Variants in TET3 observed in about 807,000 individuals in gnomAD.
TET3 encodes the protein tet methylcytosine dioxygenase 3.
Under a neutral mutation model 141.4 loss-of-function variants are expected in TET3, and 19 were observed. The observed-to-expected ratio is 0.13, with a 90% CI of 0.09 to 0.20. The LOEUF (loss-of-function observed/expected upper bound fraction) is 0.20. Ranked by LOEUF, TET3 falls within the 10% of genes least tolerant of loss-of-function variation. The pLI is 1.00. For synonymous variants in TET3, 1,043 were observed against 980.9 expected (o/e 1.06, Z -1.18); for missense variants, 1,874 against 2,356.9 (o/e 0.80, Z 4.24).
chr2:73,991,981 G>A (rs1443829908), intron 2 of TET3, among the ~76,000 whole-genome samples: 1 of 152,120 alleles, frequency 6.6e-6, no homozygotes, highest in Non-Finnish European at 1.5e-5. Context: ...GGAAAGTGGG[G>A]ACATGGCACT....
intron 4 of TET3, among the ~76,000 whole-genome samples, chr2:74,050,253 G>A (rs1573790890): frequency 6.6e-6 from 1 of 152,102 alleles, no homozygotes; most frequent in East Asian, 1.9e-4. Flanking sequence ...AACCCATCAC[G>A]GTTTCTGCTT....
downstream of TET3, among the ~76,000 whole-genome samples, chr2:74,113,006 C>T (rs1416572394): frequency 2.9e-5 from 1 of 34,398 alleles, no homozygotes; most frequent in African/African-American, 1.0e-4. Context: ...GACTCCGTCT[C>T]AAAAAAAAAA....
intron 4 of TET3, among the ~76,000 whole-genome samples, chr2:74,060,568 G>T (rs913598567): frequency 6.6e-6 from 1 of 151,220 alleles, no homozygotes; most frequent in Non-Finnish European, 1.5e-5. Flanking sequence ...GGTGTTTCTC[G>T]CAGAGGGGGA....
chr2:74,055,525 A>G (rs940659883), intron 4 of TET3, among the ~76,000 whole-genome samples: 8 of 152,312 alleles, frequency 5.3e-5, no homozygotes, highest in Non-Finnish European at 8.8e-5. Flanking sequence ...ATCAGGAGGC[A>G]TCATGCTAGC....
chr2:74,029,588 G>T (rs574506074), intron 3 of TET3, among the ~76,000 whole-genome samples: 232 of 152,312 alleles, frequency 1.5e-3, no homozygotes, highest in African/African-American at 5.1e-3. Flanking sequence ...TGTAAATTAA[G>T]TGTATGTTGC....
intron 3 of TET3, among the ~76,000 whole-genome samples, chr2:74,028,913 G>A (rs761461761): frequency 6.6e-6 from 1 of 152,194 alleles, no homozygotes; most frequent in Non-Finnish European, 1.5e-5. Flanking sequence ...GCAGAATAGT[G>A]CTAGTCCATA....
intron 3 of TET3, among the ~76,000 whole-genome samples, chr2:74,022,543 A>C (rs1481700536): frequency 6.6e-6 from 1 of 150,952 alleles, no homozygotes; most frequent in Non-Finnish European, 1.5e-5. Context: ...GTGTGATCAA[A>C]TCTAGCTCCA....
intron 4 of TET3, among the ~76,000 whole-genome samples, chr2:74,063,189 CTT>C (rs11295242): frequency 3.7e-4 from 54 of 147,076 alleles, no homozygotes; most frequent in Non-Finnish European, 4.1e-4. Flanking sequence ...TGGCCTGAAA[CTT>C]TTTTTTTTTT....
At chr2:74,117,634 G>A in the TET3 span, among the ~76,000 whole-genome samples, 1 of 152,082 alleles carries the variant, frequency 6.6e-6, no homozygotes, top group Non-Finnish European at 1.5e-5. Context: ...CCATTTTTTA[G>A]CATTTTTGTC....
intron 3 of TET3, among the ~76,000 whole-genome samples, chr2:74,040,202 A>G (rs574018620): frequency 3.2e-4 from 48 of 152,104 alleles, no homozygotes; most frequent in African/African-American, 1.1e-3. Context: ...TATGTTCAAG[A>G]GATTGTAGAG....
At chr2:74,071,977 C>T (rs1245389758) in intron 4 of TET3, among the ~76,000 whole-genome samples, 1 of 152,172 alleles carries the variant, frequency 6.6e-6, no homozygotes, top group African/African-American at 2.4e-5. Context: ...GTGAACAATT[C>T]AGTGGCATTT....
chr2:74,013,630 A>C lies in TET3; in HGVS notation c.360+10464A>C, dbSNP rs1685581520. The stretch of plus-strand genomic sequence containing the variant: ...CGAGACCATCCTGGCTAACACAGTG[A>C]AACCCCGTCTCTACTGAAAATACAA... On this transcript the variant is annotated intron_variant, in intron 3 of 11. Coordinates refer to ENST00000409262, the MANE Select transcript of TET3 (RefSeq NM_001287491.2). Among the ~76,000 whole-genome samples, 4 of 151,986 alleles carry C rather than the reference A, an allele frequency of 2.6e-5. No homozygotes were observed. In the South Asian group the frequency reaches 8.3e-4, roughly 32 times the overall value.
intron 2 of TET3, among the ~76,000 whole-genome samples, chr2:73,997,561 G>T (rs1366737435): frequency 6.6e-6 from 1 of 152,172 alleles, no homozygotes; most frequent in Admixed American, 6.5e-5. Flanking sequence ...AGGACAAGGA[G>T]AGAGAGACAC....
At chr2:74,050,545 T>G (rs1031730071) in intron 4 of TET3, among the ~76,000 whole-genome samples, 6 of 152,164 alleles carry the variant, frequency 3.9e-5, no homozygotes, top group African/African-American at 1.4e-4. Flanking sequence ...CTGAAGGACT[T>G]TGCGGTTTCC....
chr2:74,064,892 C>T (rs965944753), intron 4 of TET3, among the ~76,000 whole-genome samples: 3 of 152,168 alleles, frequency 2.0e-5, no homozygotes, highest in Non-Finnish European at 4.4e-5. Context: ...GACTTCCAGT[C>T]AACAGTAGGC....
chr2:74,120,174 C>T, the TET3 span, among the ~76,000 whole-genome samples: 2 of 152,228 alleles, frequency 1.3e-5, no homozygotes, highest in Non-Finnish European at 1.5e-5. Flanking sequence ...GGGCTCCTCC[C>T]GGGGGAACTC....
Position 74,002,994 on chromosome 2 carries a change from G to A in TET3, c.304-116G>A. ...CCAGATAGCCTTTCTTTCCCAGGCTGTATCCCCTCCCGTTCGCCTTCTTCC... is the reference window on the plus strand; with the variant it reads ...CCAGATAGCCTTTCTTTCCCAGGCTATATCCCCTCCCGTTCGCCTTCTTCC... On this transcript the variant is annotated intron_variant, in intron 2 of 11. Coordinates refer to ENST00000409262, the MANE Select transcript of TET3 (RefSeq NM_001287491.2). 3 of 1,103,012 alleles carry A rather than the reference G, an allele frequency of 2.7e-6. No individual in the cohort carries two copies. The South Asian group carries it at 4.2e-5, about 15-fold the overall frequency. 68.3% of individuals were successfully genotyped at this position (1,103,012 alleles called of 1,614,324 possible).
chr2:74,111,735 A>G (rs73952003), downstream of TET3, among the ~76,000 whole-genome samples: 4,197 of 152,320 alleles, frequency 0.028, 217 homozygotes, highest in African/African-American at 0.095. Flanking sequence ...GGCTTGCTCA[A>G]GACCATCCAG....
In TET3 at chr2:74,092,904, A is replaced by G; in HGVS notation, c.3042A>G (p.Glu1014=). 1 of 1,586,458 alleles carries G rather than the reference A, an allele frequency of 6.3e-7. No individual in the cohort carries two copies. Among genetic ancestry groups the G allele is most frequent in the Non-Finnish European group, 8.6e-7 (1 of 1,166,364 alleles). ...FRLAGDNPKE[E]EVLRKSFQDL... ...TGTGACTGCCCCTCTCTCTGCAGGA[A>G]GAAGTGCTCCGGAAGAGTTTCCAGG... The change falls in exon 9 of 12, where the codon GAA becomes GAG. Residue 1014 remains glutamate (E), a splice_region_variant and synonymous_variant. Coordinates refer to ENST00000409262, the MANE Select transcript of TET3 (RefSeq NM_001287491.2).
Sources: gnomAD v4.1 joint callset for allele counts (sites outside exome capture counted in the v4.1 genomes callset) on GRCh38, gnomAD v4.1.1 for gene constraint, MANE v1.5 for transcripts, NCBI Gene and HGNC (gene_info 2026-07-23, HGNC 2026-07-21) for gene names.